ALDH16A1: variants seen among roughly 807,000 people sequenced by gnomAD.
ALDH16A1 encodes aldehyde dehydrogenase 16 family member A1, also known as aldehyde dehydrogenase family 16 member A1.
A neutral mutation model predicts 96.1 loss-of-function variants in ALDH16A1; 88 were observed. That is an observed-to-expected ratio of 0.92 (90% CI 0.77 to 1.09). ALDH16A1 has a LOEUF of 1.09. Ranked by LOEUF, ALDH16A1 falls within the 50% of genes least tolerant of loss-of-function variation. ALDH16A1 has a pLI of 0.00. For synonymous variants in ALDH16A1, 522 were observed against 496.4 expected (o/e 1.05, Z -0.69); for missense variants, 1,250 against 1,112.6 (o/e 1.12, Z -1.76).
chr19:49,466,403 C>A, intron 14 of ALDH16A1, 120 bp downstream of exon 14: 1 of 1,112,394 alleles, frequency 9.0e-7, no homozygotes, highest in Non-Finnish European at 1.2e-6. Flanking sequence ...ACGGCAGGAT[C>A]ATCAGCAAGT....
Position 49,462,695 on chromosome 19 carries a change from G to A in ALDH16A1, c.1038G>A (p.Gly346=), listed in dbSNP as rs200276025. The A allele has an allele frequency of 6.2e-6, 10 of 1,608,248 alleles. No individual in the cohort carries two copies. The Admixed American group carries it at 6.8e-5, about 11-fold the overall frequency. Residue 346 remains glycine (G), a synonymous_variant, in exon 8 of 17, where the codon GGG becomes GGA. Coordinates refer to ENST00000293350, the MANE Select transcript of ALDH16A1 (RefSeq NM_153329.4). ...LDGAVDMGAR[G]AAACDLVQRF... ...GGGCCGTGGACATGGGGGCCCGGGG[G>A]GCTGCCGCATGTGACCTGGTCCAGC...
Position 49,468,924 on chromosome 19 carries a change from C to T in ALDH16A1, c.2185C>T (p.Leu729=). The T allele has an allele frequency of 6.2e-7, 1 of 1,614,102 alleles. No homozygotes were observed. The highest frequency in any genetic ancestry group is 1.3e-5 in the African/African-American group (1 of 75,050). Residue 729 remains leucine, a synonymous_variant, in exon 16 of 17, where the codon CTG becomes TTG. Transcript: ENST00000293350. This position sits in a 1 kb window ranked among gnomAD's most constrained non-coding sequence, Gnocchi z 4.4. ...CGTGGTGACAGGAGACCGGGACCAT[C>T]TGACCCGCTGCCTGGCCTTGCACCA... ...ANVVTGDRDH[L]TRCLALHQDV... is the part of the protein sequence containing the mutation.
rs745374407 is a variant in ALDH16A1 at position 49,466,089 on chromosome 19, G to T, written c.1744G>T (p.Gly582Cys). ...TGCGCTGTCTGCCCACAGCTGGGCG[G>T]GCCAGTCCCCAGGAGCCCGGGCAGC... is the stretch of plus-strand genomic sequence containing the variant. The part of the protein sequence containing the change: ...AAHQAFPGWA[G>C]QSPGARAALL... Residue 582 changes from glycine (G) to cysteine (C), a missense_variant, in exon 14 of 17, where the codon GGC (glycine) becomes TGC (cysteine). Gly to Cys is a radical substitution (Grantham distance 159). Coordinates refer to ENST00000293350, the MANE Select transcript of ALDH16A1 (RefSeq NM_153329.4). The T allele has an allele frequency of 6.5e-7, 1 of 1,543,170 alleles. No homozygotes were observed. Among genetic ancestry groups the T allele is most frequent in the East Asian group, 2.4e-5 (1 of 41,362 alleles).
intron 12 of ALDH16A1, among the ~76,000 whole-genome samples, chr19:49,465,036 G>C (rs1234376654): frequency 6.6e-6 from 1 of 152,138 alleles, no homozygotes; most frequent in Non-Finnish European, 1.5e-5. Flanking sequence ...GGGTCCCTCA[G>C]AGGCTCATGG....
In ALDH16A1 at chr19:49,462,723, T is replaced by A; in HGVS notation, c.1066T>A (p.Phe356Ile). 1 of 1,601,620 alleles carries A rather than the reference T, an allele frequency of 6.2e-7. No homozygotes were observed. ...GAAACDLVQR[F>I]VREAQSQGAQ... is the part of the protein sequence containing the mutation. ...TGCCGCATGTGACCTGGTCCAGCGC[T>A]TTGTGCGTGAGGCCCAGAGCCAGGG... Residue 356 changes from phenylalanine to isoleucine, a missense_variant, in exon 8 of 17, where the codon TTT becomes ATT. Physicochemically the swap from Phe to Ile is conservative, Grantham distance 21. Coordinates refer to ENST00000293350, the MANE Select transcript of ALDH16A1 (RefSeq NM_153329.4).
intron 5 of ALDH16A1, among the ~76,000 whole-genome samples, chr19:49,461,398 A>G (rs866224852): frequency 0.055 from 1,599 of 29,054 alleles, 3 homozygotes; most frequent in African/African-American, 0.091. Flanking sequence ...GAGGGGCTGG[A>G]GTCTGGACTC....
At position 49,470,366 on chromosome 19, in the gene ALDH16A1, G is replaced by T; in HGVS notation, c.2308G>T (p.Gly770Cys). Residue 770 changes from glycine to cysteine, a missense_variant, in exon 17 of 17, where the codon GGC (glycine) becomes TGC (cysteine). Physicochemically the swap from Gly to Cys is radical, Grantham distance 159. Coordinates refer to ENST00000293350, the MANE Select transcript of ALDH16A1 (RefSeq NM_153329.4). ...CCTCAAACCGGTGTGGGCGAGCAGG[G>T]GCTGCCCGCGGGCCTGGGACCAGGA... ...GNLKPVWASR[G>C]CPRAWDQEAE... is the part of the protein sequence containing the mutation. The T allele has an allele frequency of 3.7e-6, 6 of 1,613,202 alleles. No individual in the cohort carries two copies. The highest frequency in any genetic ancestry group is 5.1e-6 in the Non-Finnish European group (6 of 1,179,836).
In ALDH16A1 at chr19:49,461,876, GT is replaced by G. The variant is rs2079151524; in HGVS notation, c.760-7del. 1 of 1,586,156 alleles carries G rather than the reference GT, an allele frequency of 6.3e-7. No homozygotes were observed. The highest frequency in any genetic ancestry group is 8.6e-7 in the Non-Finnish European group (1 of 1,166,584). On this transcript the variant is annotated splice_region_variant and splice_polypyrimidine_tract_variant and intron_variant, in intron 6 of 16. Transcript: ENST00000293350. ...TCCTCCTGCGGCTGAACTGGGGGGGGTCCCTAGGAAGGGCGTGCCCTTCGAC... is the reference window on the plus strand; with the variant it reads ...TCCTCCTGCGGCTGAACTGGGGGGGGCCCTAGGAAGGGCGTGCCCTTCGAC...
At chr19:49,464,592 G>C (rs369626137) in intron 11 of ALDH16A1, 40 bp from the exon 12 acceptor site, 2 of 1,613,500 alleles carry the variant, frequency 1.2e-6, no homozygotes, top group East Asian at 4.5e-5. Flanking sequence ...ATCCGGCCTC[G>C]CGTGCCCCTT....
In ALDH16A1 at chr19:49,463,910, C is replaced by T; in HGVS notation, c.1155C>T (p.Val385=). ...SERPFYPPTL[V]SNLPPASPCA... is the part of the protein sequence containing the mutation. ...GCCCATTCTATCCCCCAACCTTGGTCTCCAACCTGCCCCCAGCCTCCCCAT... is the reference window on the plus strand; with the variant it reads ...GCCCATTCTATCCCCCAACCTTGGTTTCCAACCTGCCCCCAGCCTCCCCAT... The change falls in exon 9 of 17, where the codon GTC becomes GTT. Residue 385 remains valine (V), a synonymous_variant. Transcript: ENST00000293350. 1 of 1,613,444 alleles carries T rather than the reference C, an allele frequency of 6.2e-7. No individual in the cohort carries two copies. The highest frequency in any genetic ancestry group is 8.5e-7 in the Non-Finnish European group (1 of 1,179,600).
intron 5 of ALDH16A1, 117 bp downstream of exon 5, chr19:49,461,016 G>A (rs1165815821): frequency 8.8e-7 from 1 of 1,138,490 alleles, no homozygotes; most frequent in Non-Finnish European, 1.3e-6. Flanking sequence ...TGTGGAAGGA[G>A]TCTGTGGGAG....
In ALDH16A1 at chr19:49,459,839, G is replaced by A. The variant is rs754302058; in HGVS notation, c.490G>A (p.Glu164Lys). The stretch of plus-strand genomic sequence containing the variant: ...CCAGGAGGAGGCACTGGCAGGCTGG[G>A]AGCCCATGGGTGAGACCCTGGAGTC... ...STQEEALAGW[E>K]PMGVIGLILP... The change falls in exon 4 of 17, where the codon GAG becomes AAG. Residue 164 changes from glutamate to lysine, a missense_variant. By Grantham distance (56) the Glu-to-Lys change is moderately conservative. Coordinates refer to ENST00000293350, the MANE Select transcript of ALDH16A1 (RefSeq NM_153329.4). The surrounding 1 kb of genome is among the most constrained non-coding windows in gnomAD (Gnocchi z 4.1). The A allele has an allele frequency of 7.4e-6, 12 of 1,613,058 alleles. No individual in the cohort carries two copies. In the East Asian group the frequency reaches 2.2e-4, roughly 30 times the overall value.
chr19:49,453,907 C>G (rs1055212306), intron 1 of ALDH16A1, among the ~76,000 whole-genome samples: 1 of 152,116 alleles, frequency 6.6e-6, no homozygotes, highest in Non-Finnish European at 1.5e-5. Flanking sequence ...ACCTTCAGAA[C>G]TTCCATGGAG....
Position 49,468,949 on chromosome 19 carries a change from A to G in ALDH16A1, c.2210A>G (p.Gln737Arg). Reference protein sequence around the residue: ...DHLTRCLALHQDVQAMWYFGS... With the variant: ...DHLTRCLALHRDVQAMWYFGS... ...CTGACCCGCTGCCTGGCCTTGCACC[A>G]AGACGTCCAGGCCATGTGGTATTTC... The change falls in exon 16 of 17, where the codon CAA becomes CGA. Residue 737 changes from glutamine (Q) to arginine (R), a missense_variant. Gln to Arg is a conservative substitution (Grantham distance 43). Coordinates refer to ENST00000293350, the MANE Select transcript of ALDH16A1 (RefSeq NM_153329.4). This position sits in a 1 kb window ranked among gnomAD's most constrained non-coding sequence, Gnocchi z 4.4. 5.6e-6 allele frequency: 9 copies of G among 1,613,948 alleles called. No individual in the cohort carries two copies. The highest frequency in any genetic ancestry group is 7.6e-6 in the Non-Finnish European group (9 of 1,179,934).
intron 14 of ALDH16A1, among the ~76,000 whole-genome samples, chr19:49,467,507 G>A (rs1601042094): frequency 6.7e-6 from 1 of 150,174 alleles, no homozygotes; most frequent in Middle Eastern, 3.4e-3. Flanking sequence ...CCATTCTCCT[G>A]CCCCAGCCTT....
chr19:49,461,952 GT>G lies in ALDH16A1; in HGVS notation c.829del (p.Ser277ArgfsTer5). ...AELGLALGTE[S>X]LLLLTDTADV... Reference sequence around the variant, plus strand: ...AGCTGGGCCTGGCGCTGGGGACGGAGTCGCTGCTGCTGCTGACGGACACGGC... The same window carrying G: ...AGCTGGGCCTGGCGCTGGGGACGGAGCGCTGCTGCTGCTGACGGACACGGC... On this transcript the variant is annotated frameshift_variant, in exon 7 of 17. Transcript: ENST00000293350. LOFTEE classifies it high-confidence loss of function. 2 of 1,569,362 alleles carry G rather than the reference GT, an allele frequency of 1.3e-6. No individual in the cohort carries two copies. Among genetic ancestry groups the G allele is most frequent in the Non-Finnish European group, 8.6e-7 (1 of 1,159,742 alleles).
intron 9 of ALDH16A1, 85 bp from the exon 10 acceptor site, chr19:49,464,042 T>C: frequency 3.8e-6 from 6 of 1,575,798 alleles, no homozygotes; most frequent in Non-Finnish European, 5.2e-6. Context: ...CCATGTGACC[T>C]GGGCGTGGGG....
intron 1 of ALDH16A1, 200 bp downstream of exon 1, chr19:49,453,621 C>T (rs1427748433): frequency 1.9e-5 from 10 of 537,066 alleles, no homozygotes; most frequent in Admixed American, 9.3e-5. Flanking sequence ...TAGTCTGTTC[C>T]GGTCTTCCCC....
At position 49,466,062 on chromosome 19, in the gene ALDH16A1, T is replaced by C; in HGVS notation, c.1737-20T>C. On this transcript the variant is annotated intron_variant, in intron 13 of 16. Coordinates refer to ENST00000293350, the MANE Select transcript of ALDH16A1 (RefSeq NM_153329.4). ...CCAAGACCAGGATGCCAACCCCCAC[T>C]GTGCGCTGTCTGCCCACAGCTGGGC... is the stretch of plus-strand genomic sequence containing the variant. 1 of 1,540,294 alleles carries C rather than the reference T, an allele frequency of 6.5e-7. No homozygotes were observed.
Sources: gnomAD v4.1 joint callset for allele counts (sites outside exome capture counted in the v4.1 genomes callset) on GRCh38, gnomAD v4.1.1 for gene constraint, Gnocchi (gnomAD v3.1) non-coding constraint, MANE v1.5 for transcripts, NCBI Gene and HGNC (gene_info 2026-07-23, HGNC 2026-07-21) for gene names.